Variants in PTPRA observed in about 807,000 individuals in gnomAD.
PTPRA encodes receptor-type tyrosine-protein phosphatase alpha.
PTPRA carries 25 observed loss-of-function variants against 104.8 expected under a neutral mutation model. The ratio of observed to expected loss-of-function variants is 0.24; its 90% CI spans 0.17 to 0.33. The LOEUF is 0.33. Among genes scored for constraint, PTPRA ranks in the 10% least tolerant of loss-of-function variants. The pLI is 1.00. For missense variants in PTPRA, 765 were observed against 1,015.3 expected (o/e 0.75, Z 3.35); for synonymous variants, 323 against 368.9 (o/e 0.88, Z 1.43).
chr20:2,998,094 A>G lies in PTPRA; in HGVS notation c.739-6962A>G, dbSNP rs546979474. Among the ~76,000 whole-genome samples, 3 of 151,250 alleles carry G rather than the reference A, an allele frequency of 2.0e-5. No homozygotes were observed. The East Asian group carries it at 5.9e-4, about 30-fold the overall frequency. Reference sequence around the variant, plus strand: ...CAGTGTGAGCTATAGTGCTAACTTTATAGAGCTGCAGGAGCTACAGTGAGC... The same window carrying G: ...CAGTGTGAGCTATAGTGCTAACTTTGTAGAGCTGCAGGAGCTACAGTGAGC... On this transcript the variant is annotated intron_variant, in intron 9 of 23. Coordinates refer to ENST00000399903, the MANE Select transcript of PTPRA (RefSeq NM_001385305.1).
intron 10 of PTPRA, among the ~76,000 whole-genome samples, chr20:3,005,637 C>G (rs1347609433): frequency 2.0e-5 from 3 of 151,838 alleles, no homozygotes; most frequent in Non-Finnish European, 2.9e-5. Flanking sequence ...GCTGAAAGAG[C>G]CTTTATGGAT....
rs138521672 is a variant in PTPRA at position 3,005,640 on chromosome 20, T to C, written c.829+494T>C. Among the ~76,000 whole-genome samples the C allele has an allele frequency of 5.8e-3, 880 of 152,234 alleles. 6 individuals carry two copies. Among genetic ancestry groups the C allele is most frequent in the African/African-American group, 0.02 (846 of 41,544 alleles). Reference sequence around the variant, plus strand: ...TGAAGACTTTGGGCTGAAAGAGCCTTTATGGATCCCACATACTCAGAGTCA... The same window carrying C: ...TGAAGACTTTGGGCTGAAAGAGCCTCTATGGATCCCACATACTCAGAGTCA... On this transcript the variant is annotated intron_variant, in intron 10 of 23. Coordinates refer to ENST00000399903, the MANE Select transcript of PTPRA (RefSeq NM_001385305.1).
chr20:2,864,713 C>T, the PTPRA span: 93 of 1,565,962 alleles, frequency 5.9e-5, no homozygotes, highest in East Asian at 4.7e-4. The surrounding 1 kb of genome is among the most constrained non-coding windows in gnomAD (Gnocchi z 5.2). Context: ...GCTGTTGGTC[C>T]GGTTCCTTCA....
chr20:2,921,235 T>C (rs953999145), intron 1 of PTPRA, among the ~76,000 whole-genome samples: 4 of 152,160 alleles, frequency 2.6e-5, no homozygotes, highest in African/African-American at 9.7e-5. Context: ...AGTACAACTT[T>C]GATTTAACAA....
chr20:2,881,394 A>G (rs891865182), intron 1 of PTPRA, among the ~76,000 whole-genome samples: 3 of 152,202 alleles, frequency 2.0e-5, no homozygotes, highest in Non-Finnish European at 2.9e-5. Context: ...TTTGAAAACC[A>G]AAAATTTGGA....
At chr20:2,864,266 G>A in the PTPRA span, 11 of 1,614,072 alleles carry the variant, frequency 6.8e-6, no homozygotes, top group East Asian at 2.2e-5. The surrounding 1 kb of genome is among the most constrained non-coding windows in gnomAD (Gnocchi z 5.2). Flanking sequence ...CAAGGCCATC[G>A]AGAGCGGGGA....
At chr20:2,971,961 G>C (rs1299101372) in intron 5 of PTPRA, among the ~76,000 whole-genome samples, 1 of 151,982 alleles carries the variant, frequency 6.6e-6, no homozygotes, top group Non-Finnish European at 1.5e-5. Context: ...CAGCCTCCGA[G>C]TAGCTGGGAC....
At chr20:2,915,558 T>A (rs967119525) in intron 1 of PTPRA, among the ~76,000 whole-genome samples, 1 of 152,218 alleles carries the variant, frequency 6.6e-6, no homozygotes, top group Non-Finnish European at 1.5e-5. Flanking sequence ...GTTTCTTGCA[T>A]CCCATAGGTT....
chr20:2,975,232 G>A lies in PTPRA; in HGVS notation c.433G>A (p.Asp145Asn). Reference sequence around the variant, plus strand: ...TTACACAGGTAATTCTGACTCGAAGGACAGAAGAGGTGAGCTGCTCACCTT... The same window carrying A: ...TTACACAGGTAATTCTGACTCGAAGAACAGAAGAGGTGAGCTGCTCACCTT... ...FPPSGNSDSK[D>N]RRDETPIIAV... is the part of the protein sequence containing the mutation. Residue 145 changes from aspartate (D) to asparagine (N), a missense_variant, in exon 6 of 24, where the codon GAC (aspartate) becomes AAC (asparagine). By Grantham distance (23) the Asp-to-Asn change is conservative. Around this residue, in one of 4 missense-constraint regions of PTPRA, gnomAD observed 256 missense variants for 248.9 expected, o/e 1.03. Coordinates refer to ENST00000399903, the MANE Select transcript of PTPRA (RefSeq NM_001385305.1). The A allele has an allele frequency of 6.3e-7, 1 of 1,597,320 alleles. No homozygotes were observed. The highest frequency in any genetic ancestry group is 2.2e-5 in the East Asian group (1 of 44,702).
chr20:2,904,232 AAATTC>A (rs2059335721), intron 1 of PTPRA, among the ~76,000 whole-genome samples: 1 of 152,268 alleles, frequency 6.6e-6, no homozygotes, highest in South Asian at 2.1e-4. Context: ...TTACAAAATT[AAATTC>A]ATGTTAAGTG....
At chr20:2,936,741 G>A (rs2060717693) in intron 2 of PTPRA, among the ~76,000 whole-genome samples, 1 of 152,130 alleles carries the variant, frequency 6.6e-6, no homozygotes, top group Non-Finnish European at 1.5e-5. Flanking sequence ...CCAAAGTGCT[G>A]GGATTACAAG....
chr20:3,022,968 G>A lies in PTPRA; in HGVS notation c.1464+144G>A. ...GGGGGAAAGAAAGATAGATCACACT[G>A]TTACCGTGTCTATGTAGAAAAAGGA... On this transcript the variant is annotated intron_variant, in intron 16 of 23. Transcript: ENST00000399903. This position sits in a 1 kb window ranked among gnomAD's most constrained non-coding sequence, Gnocchi z 4.6. 1 of 1,339,758 alleles carries A rather than the reference G, an allele frequency of 7.5e-7. No homozygotes were observed. The highest frequency in any genetic ancestry group is 1.0e-6 in the Non-Finnish European group (1 of 991,308). The allele number at this position is 1,339,758 out of a possible 1,614,324, so 83.0% of individuals were successfully genotyped here. A position where few individuals can be genotyped will look rare whatever the true frequency, so the allele number is the denominator to read the frequency against.
At chr20:3,000,827 G>A (rs2063592704) in intron 9 of PTPRA, among the ~76,000 whole-genome samples, 1 of 151,950 alleles carries the variant, frequency 6.6e-6, no homozygotes, top group Non-Finnish European at 1.5e-5. Flanking sequence ...CATTGTTTTG[G>A]ATGTAAAAAA....
chr20:2,864,541 C>A, the PTPRA span: 3 of 1,614,124 alleles, frequency 1.9e-6, no homozygotes, highest in South Asian at 3.3e-5. This position sits in a 1 kb window ranked among gnomAD's most constrained non-coding sequence, Gnocchi z 5.2. Context: ...CTGCCTGTGG[C>A]CCCAGTTCTG....
At chr20:3,032,515 C>G (rs1273470759) in intron 20 of PTPRA, among the ~76,000 whole-genome samples, 1 of 152,180 alleles carries the variant, frequency 6.6e-6, no homozygotes, top group East Asian at 1.9e-4. Context: ...CGCCTGTAAT[C>G]CCAGCACTTT....
chr20:2,991,177 A>T (rs2063156821), intron 9 of PTPRA, among the ~76,000 whole-genome samples: 1 of 152,080 alleles, frequency 6.6e-6, no homozygotes, highest in African/African-American at 2.4e-5. Flanking sequence ...AACATGGGGC[A>T]ATCCCATCCC....
intron 1 of PTPRA, among the ~76,000 whole-genome samples, chr20:2,912,911 T>C (rs2059775761): frequency 6.6e-6 from 1 of 152,228 alleles, no homozygotes; most frequent in South Asian, 2.1e-4. Flanking sequence ...AATTAGATTT[T>C]TATAATACTG....
chr20:2,922,414 A>G (rs1233067255), intron 1 of PTPRA, among the ~76,000 whole-genome samples: 2 of 152,150 alleles, frequency 1.3e-5, no homozygotes, highest in Non-Finnish European at 2.9e-5. Context: ...ATCTCGGCTC[A>G]CTGCAACCTC....
intron 9 of PTPRA, among the ~76,000 whole-genome samples, chr20:2,991,601 T>C (rs1474372338): frequency 1.3e-5 from 2 of 152,230 alleles, no homozygotes; most frequent in Non-Finnish European, 2.9e-5. Flanking sequence ...GGAGGTAATA[T>C]TCCCTGAGAC....
Sources: gnomAD v4.1 joint callset for allele counts (sites outside exome capture counted in the v4.1 genomes callset) on GRCh38, gnomAD v4.1.1 for gene constraint, gnomAD v4.1.1 regional missense constraint, Gnocchi (gnomAD v3.1) non-coding constraint, MANE v1.5 for transcripts, NCBI Gene and HGNC (gene_info 2026-07-23, HGNC 2026-07-21) for gene names.